Variants in PATJ observed in about 807,000 individuals in gnomAD.
PATJ encodes PATJ crumbs cell polarity complex component, also known as inaD-like protein.
Under a neutral mutation model 224.9 loss-of-function variants are expected in PATJ, and 190 were observed. That is an observed-to-expected ratio of 0.84 (90% CI 0.75 to 0.95). The LOEUF (loss-of-function observed/expected upper bound fraction) is 0.95. Among genes scored for constraint, PATJ ranks in the 40% least tolerant of loss-of-function variants. The pLI is 0.00. For synonymous variants in PATJ, 769 were observed against 820.3 expected (o/e 0.94, Z 1.07); for missense variants, 2,121 against 2,270.3 (o/e 0.93, Z 1.34).
chr1:62,073,343 C>G, intron 31 of PATJ: 3 of 985,006 alleles, frequency 3.0e-6, no homozygotes, highest in Non-Finnish European at 3.6e-6. Flanking sequence ...GCATCCCTGG[C>G]TGGGCATGGT....
At chr1:61,847,671 AATTAGTTATTACTTTGC>A (rs1662179275) in intron 17 of PATJ, among the ~76,000 whole-genome samples, 1 of 152,242 alleles carries the variant, frequency 6.6e-6, no homozygotes, top group Non-Finnish European at 1.5e-5. Flanking sequence ...CATTAGAATC[AATTAGTTATTACTTTGC>A]ATTCACTATA....
At chr1:61,831,113 G>A (rs896784043) in intron 16 of PATJ, among the ~76,000 whole-genome samples, 4 of 150,548 alleles carry the variant, frequency 2.7e-5, no homozygotes, top group Non-Finnish European at 4.4e-5. Flanking sequence ...GCATGAACCC[G>A]AGAGGTGGAG....
chr1:61,818,841 T>C (rs1020651874), intron 14 of PATJ, among the ~76,000 whole-genome samples: 5 of 152,118 alleles, frequency 3.3e-5, no homozygotes, highest in African/African-American at 9.7e-5. Flanking sequence ...AGCTGTTCCA[T>C]GGAGGTGGGA....
At chr1:61,886,959 T>C (rs533976774) in intron 22 of PATJ, among the ~76,000 whole-genome samples, 1 of 151,238 alleles carries the variant, frequency 6.6e-6, no homozygotes, top group Admixed American at 6.6e-5. Flanking sequence ...CCAGCCTGGG[T>C]GACATAGCGA....
intron 22 of PATJ, among the ~76,000 whole-genome samples, chr1:61,895,098 G>C (rs1210867637): frequency 6.6e-6 from 1 of 152,210 alleles, no homozygotes; most frequent in Non-Finnish European, 1.5e-5. Flanking sequence ...TTTCTAAGCA[G>C]CAAAGCATTG....
intron 25 of PATJ, among the ~76,000 whole-genome samples, chr1:61,912,014 A>G (rs1028268516): frequency 1.0e-4 from 11 of 109,762 alleles, no homozygotes; most frequent in Admixed American, 3.9e-4. Context: ...TAATATATAT[A>G]TATTTTTATA....
intron 41 of PATJ, among the ~76,000 whole-genome samples, chr1:62,136,685 G>C (rs1050238114): frequency 0.016 from 2,378 of 147,254 alleles, 33 homozygotes; most frequent in Non-Finnish European, 0.025. Flanking sequence ...GTGTGTGTGT[G>C]TGTGTGTCTG....
At position 61,914,667 on chromosome 1, in the gene PATJ, A is replaced by G; in HGVS notation, c.3570+3A>G. ...ACACCCAAGAAAAGAAAGAAAAGGTAACTTGAACCTCTCAAGGATTTAAAA... is the reference window on the plus strand; with the variant it reads ...ACACCCAAGAAAAGAAAGAAAAGGTGACTTGAACCTCTCAAGGATTTAAAA... On this transcript the variant is annotated splice_donor_region_variant and intron_variant, in intron 26 of 43. Transcript: ENST00000642238. The G allele has an allele frequency of 1.3e-6, 2 of 1,537,978 alleles. No individual in the cohort carries two copies. The highest frequency in any genetic ancestry group is 1.4e-5 in the African/African-American group (1 of 73,424).
At chr1:61,911,944 C>T (rs1672718574) in intron 25 of PATJ, among the ~76,000 whole-genome samples, 1 of 149,352 alleles carries the variant, frequency 6.7e-6, no homozygotes, top group African/African-American at 2.4e-5. Context: ...TGTTTTTTTA[C>T]ATAAATGACA....
At chr1:61,967,245 G>A (rs193174307) in intron 27 of PATJ, among the ~76,000 whole-genome samples, 62 of 152,228 alleles carry the variant, frequency 4.1e-4, no homozygotes, top group African/African-American at 1.4e-3. Context: ...TTAACTAAAT[G>A]CTTACTATTA....
At chr1:61,836,799 G>A (rs1410105179) in intron 17 of PATJ, among the ~76,000 whole-genome samples, 2 of 152,232 alleles carry the variant, frequency 1.3e-5, no homozygotes, top group Non-Finnish European at 1.5e-5. Flanking sequence ...GGCTATTATT[G>A]CATTCAGCAT....
chr1:61,913,014 A>G (rs1183722803), intron 25 of PATJ, among the ~76,000 whole-genome samples: 5 of 152,170 alleles, frequency 3.3e-5, no homozygotes, highest in Non-Finnish European at 5.9e-5. Flanking sequence ...ATAGCACTGT[A>G]TATATGTTAG....
At chr1:61,908,048 G>C (rs1289327494) in intron 24 of PATJ, among the ~76,000 whole-genome samples, 1 of 152,164 alleles carries the variant, frequency 6.6e-6, no homozygotes, top group Non-Finnish European at 1.5e-5. Context: ...TCAGAATTAT[G>C]TACTGTGCTC....
intron 12 of PATJ, among the ~76,000 whole-genome samples, chr1:61,803,813 G>C (rs1340355798): frequency 6.6e-6 from 1 of 151,974 alleles, no homozygotes; most frequent in Non-Finnish European, 1.5e-5. Context: ...ACTGCTATGA[G>C]GTTAGCTCTC....
At chr1:61,887,385 T>C (rs994255688) in intron 22 of PATJ, among the ~76,000 whole-genome samples, 4 of 152,170 alleles carry the variant, frequency 2.6e-5, no homozygotes, top group African/African-American at 7.2e-5. Flanking sequence ...TTTGTTTCTG[T>C]CACTTCGGGA....
chr1:61,786,339 C>A (rs1570477801), intron 7 of PATJ, among the ~76,000 whole-genome samples: 1 of 152,136 alleles, frequency 6.6e-6, no homozygotes, highest in East Asian at 1.9e-4. Flanking sequence ...ACTATAAATA[C>A]CTCCTATGTG....
intron 28 of PATJ, among the ~76,000 whole-genome samples, chr1:62,002,635 G>A (rs1262175951): frequency 6.6e-6 from 1 of 151,446 alleles, no homozygotes; most frequent in Non-Finnish European, 1.5e-5. Context: ...CTTGAACCCG[G>A]GAGGCAGAGG....
intron 30 of PATJ, among the ~76,000 whole-genome samples, chr1:62,045,089 C>T (rs1311331899): frequency 6.6e-6 from 1 of 152,024 alleles, no homozygotes; most frequent in Non-Finnish European, 1.5e-5. Flanking sequence ...GGTGTGGTGG[C>T]GTGCGCCTGT....
rs143455244 is a variant in PATJ at position 62,024,111 on chromosome 1, T to A, written c.3959+6164T>A. 2.0e-3 allele frequency among the ~76,000 whole-genome samples: 302 copies of A among 152,330 alleles called. 2 individuals are homozygous for A. The highest frequency in any genetic ancestry group is 1.5e-3 in the Non-Finnish European group (102 of 68,032). On this transcript the variant is annotated intron_variant, in intron 29 of 43. Transcript: ENST00000642238. ...TGAATTCGGTTTGCTAATATTTTGT[T>A]GATGATTTTTGCTTTTATGTTCATG...
Sources: allele counts gnomAD v4.1 joint callset (sites outside exome capture counted in the v4.1 genomes callset), GRCh38; gene constraint gnomAD v4.1.1; transcripts MANE v1.5; gene names NCBI Gene and HGNC (gene_info 2026-07-23, HGNC 2026-07-21).